Variants in CYP7B1 observed in about 807,000 individuals in gnomAD.
CYP7B1 encodes the protein cytochrome P450 family 7 subfamily B member 1.
CYP7B1 carries 29 observed loss-of-function variants against 42.7 expected under a neutral mutation model. The ratio of observed to expected loss-of-function variants is 0.68; its 90% CI spans 0.51 to 0.93. The LOEUF (loss-of-function observed/expected upper bound fraction) is 0.93, where lower values mean the gene tolerates loss of function less well. Ranked by LOEUF, CYP7B1 falls within the 40% of genes least tolerant of loss-of-function variation. CYP7B1 has a pLI of 0.00. For synonymous variants in CYP7B1, 235 were observed against 218.2 expected, an observed-to-expected ratio of 1.08 and a Z score of -0.68; for missense variants, 655 against 600.5, an observed-to-expected ratio of 1.09 and a Z score of -0.95.
At chr8:64,701,454 C>A (rs1465236958) in intron 1 of CYP7B1, among the ~76,000 whole-genome samples, 1 of 151,996 alleles carries the variant, frequency 6.6e-6, no homozygotes, top group African/African-American at 2.4e-5. Context: ...TAGTTTAATC[C>A]TTTAATAATG....
At chr8:64,628,576 A>G (rs1310265753) in intron 1 of CYP7B1, among the ~76,000 whole-genome samples, 1 of 152,156 alleles carries the variant, frequency 6.6e-6, no homozygotes, top group Middle Eastern at 3.2e-3. Context: ...TAAACCCAGG[A>G]GGCAGAGGTT....
intron 1 of CYP7B1, among the ~76,000 whole-genome samples, chr8:64,625,304 G>T (rs1371068728): frequency 6.6e-6 from 1 of 152,108 alleles, no homozygotes; most frequent in Non-Finnish European, 1.5e-5. Flanking sequence ...TTGCATCCTG[G>T]TGAGCAATTT....
intron 4 of CYP7B1, among the ~76,000 whole-genome samples, chr8:64,614,768 A>G (rs1805408827): frequency 1.3e-5 from 2 of 152,210 alleles, no homozygotes; most frequent in Non-Finnish European, 1.5e-5. Flanking sequence ...TAATAGGCAT[A>G]AACTTTTTTT....
chr8:64,634,121 G>A (rs1805735719), intron 1 of CYP7B1, among the ~76,000 whole-genome samples: 3 of 152,196 alleles, frequency 2.0e-5, no homozygotes. Flanking sequence ...CTTTTGAAGA[G>A]TAGTTGTCAT....
chr8:64,719,465 C>T (rs1180786303), intron 1 of CYP7B1, among the ~76,000 whole-genome samples: 2 of 152,188 alleles, frequency 1.3e-5, no homozygotes, highest in Non-Finnish European at 2.9e-5. Context: ...TCAGCTAGGA[C>T]AGATTGCTGC....
intron 1 of CYP7B1, among the ~76,000 whole-genome samples, chr8:64,645,825 C>G (rs1480333791): frequency 2.6e-5 from 4 of 151,634 alleles, no homozygotes; most frequent in Admixed American, 2.0e-4. Flanking sequence ...AACCAAAACA[C>G]CATGGTACTG....
intron 1 of CYP7B1, among the ~76,000 whole-genome samples, chr8:64,784,997 C>T (rs1804497432): frequency 6.6e-6 from 1 of 152,146 alleles, no homozygotes; most frequent in Non-Finnish European, 1.5e-5. Context: ...ATACAAAGAA[C>T]TCTTACAATT....
chr8:64,656,548 G>A (rs1346428626), intron 1 of CYP7B1, among the ~76,000 whole-genome samples: 2 of 152,322 alleles, frequency 1.3e-5, no homozygotes, highest in Non-Finnish European at 2.9e-5. Flanking sequence ...CAAGCATTGT[G>A]GCCGAGCTGC....
At chr8:64,604,658 A>G in intron 5 of CYP7B1, 24 bp downstream of exon 5, 6 of 1,613,626 alleles carry the variant, frequency 3.7e-6, no homozygotes, top group Non-Finnish European at 5.1e-6. Context: ...AGAAGTAGCA[A>G]TCATAGGCTT....
intron 1 of CYP7B1, among the ~76,000 whole-genome samples, chr8:64,725,378 CA>C (rs1807308575): frequency 6.6e-6 from 1 of 152,226 alleles, no homozygotes; most frequent in Non-Finnish European, 1.5e-5. Flanking sequence ...TTTGGAGAAT[CA>C]CTGAACGTCT....
intron 1 of CYP7B1, among the ~76,000 whole-genome samples, chr8:64,750,964 C>A (rs991249841): frequency 6.6e-6 from 1 of 152,166 alleles, no homozygotes; most frequent in African/African-American, 2.4e-5. Flanking sequence ...ACCATCCTCA[C>A]GCCAACTGCT....
At chr8:64,658,382 A>T (rs1806152489) in intron 1 of CYP7B1, among the ~76,000 whole-genome samples, 2 of 152,224 alleles carry the variant, frequency 1.3e-5, no homozygotes, top group African/African-American at 4.8e-5. Context: ...CATTAGAAAC[A>T]CTGAGAAGTA....
chr8:64,790,873 T>C (rs1358142062), intron 1 of CYP7B1, among the ~76,000 whole-genome samples: 3 of 152,212 alleles, frequency 2.0e-5, no homozygotes, highest in Non-Finnish European at 2.9e-5. Context: ...CAGATATAAT[T>C]AGTTAAGATG....
chr8:64,670,965 T>C (rs1204657328), intron 1 of CYP7B1, among the ~76,000 whole-genome samples: 4 of 152,158 alleles, frequency 2.6e-5, no homozygotes, highest in Non-Finnish European at 4.4e-5. Context: ...TTGTAGATGA[T>C]GTGTCTTCCC....
intron 1 of CYP7B1, among the ~76,000 whole-genome samples, chr8:64,700,939 T>C (rs2129632436): frequency 6.6e-6 from 1 of 152,158 alleles, no homozygotes; most frequent in Non-Finnish European, 1.5e-5. Context: ...GTTGTTGTTG[T>C]TGTTGTTGCA....
intron 1 of CYP7B1, among the ~76,000 whole-genome samples, chr8:64,644,057 G>A (rs1353552620): frequency 6.6e-6 from 1 of 152,096 alleles, no homozygotes. Context: ...GGTGGATCAC[G>A]AGGTCAGGAG....
intron 1 of CYP7B1, among the ~76,000 whole-genome samples, chr8:64,750,281 G>C (rs1055973137): frequency 3.9e-5 from 6 of 152,162 alleles, no homozygotes; most frequent in Admixed American, 3.3e-4. Context: ...AAAGAGTACG[G>C]AAGTGAGGCA....
At chr8:64,727,405 G>A (rs571377608) in intron 1 of CYP7B1, among the ~76,000 whole-genome samples, 3 of 152,116 alleles carry the variant, frequency 2.0e-5, no homozygotes, top group Non-Finnish European at 4.4e-5. Context: ...GTTCACTTGA[G>A]ATCTTTTAAT....
intron 2 of CYP7B1, among the ~76,000 whole-genome samples, chr8:64,617,307 G>A (rs2129630254): frequency 6.6e-6 from 1 of 152,240 alleles, no homozygotes; most frequent in South Asian, 2.1e-4. Context: ...TTCTTATAAG[G>A]ATGCACCTTG....
Sources: gnomAD v4.1 joint callset for allele counts (sites outside exome capture counted in the v4.1 genomes callset) on GRCh38, gnomAD v4.1.1 for gene constraint, MANE v1.5 for transcripts, NCBI Gene and HGNC (gene_info 2026-07-23, HGNC 2026-07-21) for gene names.